FUT2: variants seen among roughly 807,000 people sequenced by gnomAD.
FUT2 encodes the protein fucosyltransferase 2 (H blood group), also known as galactoside alpha-(1,2)-fucosyltransferase 2.
For missense variants in FUT2, 419 were observed against 465.8 expected, an observed-to-expected ratio of 0.90 and a Z score of 0.93; for synonymous variants, 182 against 193.1, an observed-to-expected ratio of 0.94 and a Z score of 0.48.
At chr19:48,702,212 C>G (rs1168830065) in intron 1 of FUT2, among the ~76,000 whole-genome samples, 1 of 151,904 alleles carries the variant, frequency 6.6e-6, no homozygotes, top group African/African-American at 2.4e-5. Context: ...ACCAGCCTGA[C>G]CAACATACTG....
chr19:48,699,987 G>A (rs774500808), intron 1 of FUT2, among the ~76,000 whole-genome samples: 17 of 151,060 alleles, frequency 1.1e-4, no homozygotes, highest in African/African-American at 1.7e-4. Context: ...AACCCCGTCC[G>A]ACTAAAAATA....
chr19:48,702,666 C>A (rs554723453), intron 1 of FUT2, among the ~76,000 whole-genome samples: 2 of 152,012 alleles, frequency 1.3e-5, no homozygotes, highest in African/African-American at 4.8e-5. Flanking sequence ...TTTGCACACA[C>A]CTGTATATGT....
At chr19:48,700,102 A>G (rs1336533665) in intron 1 of FUT2, among the ~76,000 whole-genome samples, 2 of 146,968 alleles carry the variant, frequency 1.4e-5, no homozygotes, top group Non-Finnish European at 3.0e-5. Flanking sequence ...GCAGTAAGCC[A>G]AGATGGCGCC....
At position 48,704,148 on chromosome 19, in the gene FUT2, G is replaced by C; in HGVS notation, c.*160G>C. ...AAATCTCAGTGAACAGTGGCCTGGC[G>C]TGGTGGCTCATGCCTGTAATGCTCG... On this transcript the variant is annotated 3_prime_UTR_variant, in exon 2 of 2. Transcript: ENST00000425340. The C allele has an allele frequency of 2.5e-6, 2 of 795,114 alleles. No individual in the cohort carries two copies. Among genetic ancestry groups the C allele is most frequent in the Non-Finnish European group, 4.3e-6 (2 of 465,584 alleles). The allele number at this position is 795,114 out of a possible 1,614,324, so 49.3% of individuals were successfully genotyped here. A position where few individuals can be genotyped will look rare whatever the true frequency, so the allele number is the denominator to read the frequency against.
intron 1 of FUT2, among the ~76,000 whole-genome samples, chr19:48,699,860 T>C (rs1415796639): frequency 1.3e-5 from 2 of 151,880 alleles, no homozygotes; most frequent in East Asian, 3.9e-4. Flanking sequence ...GAGCTTTATC[T>C]AGAATTTGTG....
chr19:48,700,045 C>T (rs1167461768), intron 1 of FUT2, among the ~76,000 whole-genome samples: 3 of 148,672 alleles, frequency 2.0e-5, no homozygotes, highest in Non-Finnish European at 3.0e-5. Flanking sequence ...CCCAGCTACT[C>T]AGGAGGCTGA....
intron 1 of FUT2, 98 bp from the exon 2 acceptor site, chr19:48,702,857 C>A: frequency 8.8e-7 from 1 of 1,133,226 alleles, no homozygotes; most frequent in Non-Finnish European, 1.3e-6. Flanking sequence ...AGCACACACA[C>A]ACCCACACTA....
Position 48,705,080 on chromosome 19 carries a change from A to T in FUT2, c.*1092A>T. 2 of 319,870 alleles carry T rather than the reference A, an allele frequency of 6.3e-6. No homozygotes were observed. The highest frequency in any genetic ancestry group is 1.2e-5 in the Non-Finnish European group (2 of 170,556). 19.8% of individuals were successfully genotyped at this position (319,870 alleles called of 1,614,324 possible). On this transcript the variant is annotated 3_prime_UTR_variant, in exon 2 of 2. Transcript: ENST00000425340. ...TGTCCTTGGCATTGTGTCCACCCAG[A>T]GAGCTCACTGTTTTCTTTTCTTTTT...
rs1172874265 is a variant in FUT2, at chr19:48,704,225, T to C, written c.*237T>C. ...TCACTTGAGGTCAGGAGTTCAAGACTAGCCTGGCCAACATGGTGAAACCCC... is the reference window on the plus strand; with the variant it reads ...TCACTTGAGGTCAGGAGTTCAAGACCAGCCTGGCCAACATGGTGAAACCCC... On this transcript the variant is annotated 3_prime_UTR_variant, in exon 2 of 2. Coordinates refer to ENST00000425340, the MANE Select transcript of FUT2 (RefSeq NM_000511.6). The C allele has an allele frequency of 3.6e-6, 2 of 550,838 alleles. No homozygotes were observed. Among genetic ancestry groups the C allele is most frequent in the Non-Finnish European group, 6.7e-6 (2 of 299,786 alleles). The allele number at this position is 550,838 out of a possible 1,614,324, so 34.1% of individuals were successfully genotyped here. A position where few individuals can be genotyped will look rare whatever the true frequency, so the allele number is the denominator to read the frequency against.
At position 48,703,950 on chromosome 19, in the gene FUT2, G is replaced by A. The variant is rs1441670296; in HGVS notation, c.994G>A (p.Gly332Arg). The stretch of plus-strand genomic sequence containing the variant: ...GGCAGCCTTCCTGCCGGAGTGGACA[G>A]GGATTGCCGCAGACCTGTCCCCCTT... ...PEAAFLPEWT[G>R]IAADLSPLLK... The change falls in exon 2 of 2, where the codon GGG becomes AGG. Residue 332 changes from glycine (G) to arginine (R), a missense_variant. Coordinates refer to ENST00000425340, the MANE Select transcript of FUT2 (RefSeq NM_000511.6). The A allele has an allele frequency of 6.8e-6, 11 of 1,613,398 alleles. 1 individual carries two copies. In the South Asian group the frequency reaches 8.8e-5, roughly 13 times the overall value.
intron 1 of FUT2, among the ~76,000 whole-genome samples, 185 bp from the exon 2 acceptor site, chr19:48,702,770 T>C (rs1184260219): frequency 6.6e-6 from 1 of 152,052 alleles, no homozygotes; most frequent in African/African-American, 2.4e-5. Context: ...TGTAGACACA[T>C]CTGTATAAAC....
rs1332107056 is a variant in FUT2, at chr19:48,705,101, TTTTTC to T, written c.*1123_*1127del. 137 of 249,464 alleles carry T rather than the reference TTTTTC, an allele frequency of 5.5e-4. 26 individuals are homozygous for T. Among genetic ancestry groups the T allele is most frequent in the Non-Finnish European group, 7.0e-4 (88 of 125,314 alleles). The allele number at this position is 249,464 out of a possible 1,614,324, so 15.5% of individuals were successfully genotyped here. A position where few individuals can be genotyped will look rare whatever the true frequency, so the allele number is the denominator to read the frequency against. On this transcript the variant is annotated 3_prime_UTR_variant, in exon 2 of 2. Transcript: ENST00000425340. Reference sequence around the variant, plus strand: ...CCAGAGAGCTCACTGTTTTCTTTTCTTTTTCTTTTCTTTTTTTTTTTTTTTTTGAG... The same window carrying T: ...CCAGAGAGCTCACTGTTTTCTTTTCTTTTTCTTTTTTTTTTTTTTTTTGAG...
Position 48,703,238 on chromosome 19 carries a change from C to T in FUT2, c.282C>T (p.Phe94=). ...CCAAGATGAACGGGCGGCCCGCCTT[C>T]ATCCCGGCCCAGATGCACAGCACCC... The part of the protein sequence containing the change: ...ALAKMNGRPA[F]IPAQMHSTLA... Residue 94 remains phenylalanine, a synonymous_variant, in exon 2 of 2, where the codon TTC becomes TTT. Transcript: ENST00000425340. The T allele has an allele frequency of 1.2e-6, 2 of 1,613,122 alleles. No individual in the cohort carries two copies. Among genetic ancestry groups the T allele is most frequent in the Non-Finnish European group, 1.7e-6 (2 of 1,180,016 alleles).
chr19:48,704,010 CT>C lies in FUT2; in HGVS notation c.*26del, dbSNP rs771198083. ...CTAATGCTGGCCCATTCTTTGAGAC[CT>C]TTTCTCCTTCTCTGCCTCCCTCAAG... On this transcript the variant is annotated 3_prime_UTR_variant, in exon 2 of 2. Coordinates refer to ENST00000425340, the MANE Select transcript of FUT2 (RefSeq NM_000511.6). 1.2e-6 allele frequency: 2 copies of C among 1,605,644 alleles called. No individual in the cohort carries two copies. The highest frequency in any genetic ancestry group is 1.7e-6 in the Non-Finnish European group (2 of 1,173,556).
rs758770309 is a variant in FUT2, at chr19:48,703,790, C to T, written c.834C>T (p.Leu278=). ...EGSPAKDFAL[L]TQCNHTIMTI... ...CACCTGCCAAAGATTTTGCTCTACTCACACAGTGTAACCACACCATCATGA... is the reference window on the plus strand; with the variant it reads ...CACCTGCCAAAGATTTTGCTCTACTTACACAGTGTAACCACACCATCATGA... Residue 278 remains leucine, a synonymous_variant, in exon 2 of 2, where the codon CTC becomes CTT. Coordinates refer to ENST00000425340, the MANE Select transcript of FUT2 (RefSeq NM_000511.6). The T allele has an allele frequency of 1.2e-6, 2 of 1,613,632 alleles. No individual in the cohort carries two copies. Among genetic ancestry groups the T allele is most frequent in the Non-Finnish European group, 1.7e-6 (2 of 1,180,022 alleles).
At position 48,704,030 on chromosome 19, in the gene FUT2, C is replaced by A. The variant is rs1242850781; in HGVS notation, c.*42C>A. On this transcript the variant is annotated 3_prime_UTR_variant, in exon 2 of 2. Coordinates refer to ENST00000425340, the MANE Select transcript of FUT2 (RefSeq NM_000511.6). ...GAGACCTTTTCTCCTTCTCTGCCTCCCTCAAGATGAGTGCCCGGGCATGAG... is the reference window on the plus strand; with the variant it reads ...GAGACCTTTTCTCCTTCTCTGCCTCACTCAAGATGAGTGCCCGGGCATGAG... The A allele has an allele frequency of 1.9e-6, 3 of 1,571,266 alleles. No individual in the cohort carries two copies. Among genetic ancestry groups the A allele is most frequent in the Non-Finnish European group, 2.6e-6 (3 of 1,142,970 alleles).
chr19:48,703,293 G>A lies in FUT2; in HGVS notation c.337G>A (p.Val113Met), dbSNP rs369690137. The change falls in exon 2 of 2, where the codon GTG becomes ATG. Residue 113 changes from valine to methionine, a missense_variant. Physicochemically the swap from Val to Met is conservative, Grantham distance 21 (BLOSUM62 1). Coordinates refer to ENST00000425340, the MANE Select transcript of FUT2 (RefSeq NM_000511.6). Reference protein sequence around the residue: ...LAPIFRITLPVLHSATASRIP... With the variant: ...LAPIFRITLPMLHSATASRIP... ...CCCCATCTTCAGAATCACCCTGCCG[G>A]TGCTGCACAGCGCCACGGCCAGCAG... 387 of 1,612,992 alleles carry A rather than the reference G, an allele frequency of 2.4e-4. 1 individual carries two copies. Among genetic ancestry groups the A allele is most frequent in the Middle Eastern group, 3.3e-4 (2 of 6,062 alleles).
At chr19:48,700,621 G>C (rs58935689) in intron 1 of FUT2, among the ~76,000 whole-genome samples, 37 of 151,996 alleles carry the variant, frequency 2.4e-4, no homozygotes, top group Non-Finnish European at 4.4e-4. Flanking sequence ...GTGAGCCACC[G>C]CGCCCAGCCA....
At chr19:48,699,562 A>G (rs984537263) in intron 1 of FUT2, among the ~76,000 whole-genome samples, 14 of 151,972 alleles carry the variant, frequency 9.2e-5, no homozygotes, top group Admixed American at 9.2e-4. Context: ...TCCCAGTATC[A>G]AAACTGGGAA....
Sources: gnomAD v4.1 joint callset for allele counts (sites outside exome capture counted in the v4.1 genomes callset) on GRCh38, gnomAD v4.1.1 for gene constraint, MANE v1.5 for transcripts, NCBI Gene and HGNC (gene_info 2026-07-23, HGNC 2026-07-21) for gene names.